Variants in PLD5 observed in about 807,000 individuals in gnomAD.
The protein encoded by PLD5 is inactive phospholipase D5.
PLD5 carries 36 observed loss-of-function variants against 61.1 expected under a neutral mutation model. The ratio of observed to expected loss-of-function variants is 0.59; its 90% CI spans 0.45 to 0.78. The LOEUF (loss-of-function observed/expected upper bound fraction) is 0.78, where lower values mean the gene tolerates loss of function less well. PLD5 is among the 30% of genes least tolerant of loss of function. PLD5 has a pLI of 0.00. For missense variants in PLD5, 515 were observed against 644.4 expected (o/e 0.80, Z 2.17); for synonymous variants, 243 against 242.8 (o/e 1.00, Z -0.01).
chr1:242,224,530 G>A (rs1033281972), intron 4 of PLD5, among the ~76,000 whole-genome samples: 2 of 152,068 alleles, frequency 1.3e-5, no homozygotes, highest in African/African-American at 4.8e-5. Context: ...TAAGAAACAT[G>A]GAGTAATTTA....
intron 1 of PLD5, among the ~76,000 whole-genome samples, chr1:242,472,647 C>T (rs1667478700): frequency 6.6e-6 from 1 of 152,142 alleles, no homozygotes; most frequent in Admixed American, 6.5e-5. Context: ...ATGCAGCAGT[C>T]GCTTTGGCTT....
intron 2 of PLD5, among the ~76,000 whole-genome samples, chr1:242,340,515 A>C (rs1659770638): frequency 6.6e-6 from 1 of 152,090 alleles, no homozygotes; most frequent in African/African-American, 2.4e-5. Context: ...AAAAAAAACA[A>C]AACTGCAAAC....
At chr1:242,434,224 G>T (rs1254393324) in intron 1 of PLD5, among the ~76,000 whole-genome samples, 1 of 152,216 alleles carries the variant, frequency 6.6e-6, no homozygotes, top group Non-Finnish European at 1.5e-5. Flanking sequence ...GTGGATGGCG[G>T]TCAGTTTCTG....
chr1:242,151,643 T>C (rs1168310428), intron 5 of PLD5, among the ~76,000 whole-genome samples: 1 of 152,066 alleles, frequency 6.6e-6, no homozygotes, highest in Admixed American at 6.6e-5. Flanking sequence ...CTTGTTTGCT[T>C]TGTGTATTCT....
chr1:242,161,336 C>G (rs1025272159), intron 5 of PLD5, among the ~76,000 whole-genome samples: 2 of 152,014 alleles, frequency 1.3e-5, no homozygotes, highest in African/African-American at 4.8e-5. Context: ...GACTTATTCA[C>G]TACCATGAGA....
intron 4 of PLD5, among the ~76,000 whole-genome samples, chr1:242,231,338 A>G (rs1180241643): frequency 1.3e-5 from 2 of 152,204 alleles, no homozygotes; most frequent in Non-Finnish European, 2.9e-5. Flanking sequence ...GCCAGTGCTC[A>G]CGGAGAGAAG....
intron 1 of PLD5, among the ~76,000 whole-genome samples, chr1:242,405,946 GT>G (rs1410273408): frequency 6.6e-6 from 1 of 151,994 alleles, no homozygotes; most frequent in African/African-American, 2.4e-5. Context: ...CAATTTTACA[GT>G]TTCACATGAT....
intron 7 of PLD5, among the ~76,000 whole-genome samples, chr1:242,110,603 A>C (rs1289175889): frequency 6.6e-6 from 1 of 152,162 alleles, no homozygotes; most frequent in Non-Finnish European, 1.5e-5. Flanking sequence ...TAAGGTCAGG[A>C]GTTCGAGACC....
Position 242,207,960 on chromosome 1 carries a change from A to ATATT in PLD5, c.735+12024_735+12027dup, listed in dbSNP as rs1558344832. On this transcript the variant is annotated intron_variant, in intron 5 of 9. Coordinates refer to ENST00000536534, the MANE Select transcript of PLD5 (RefSeq NM_001372062.1). ...TATATTTATATATATTTATTTATAT[A>ATATT]TATTTATATATATTTTTATATATAT... Among the ~76,000 whole-genome samples the ATATT allele has an allele frequency of 5.9e-3, 162 of 27,320 alleles. 33 individuals carry two copies. Among genetic ancestry groups the ATATT allele is most frequent in the African/African-American group, 0.028 (150 of 5,408 alleles). The allele number at this position is 27,320 out of a possible 152,430, so 17.9% of individuals were successfully genotyped here.
intron 1 of PLD5, among the ~76,000 whole-genome samples, chr1:242,349,019 A>C (rs1164806357): frequency 6.6e-6 from 1 of 152,180 alleles, no homozygotes; most frequent in Non-Finnish European, 1.5e-5. Context: ...GCACCACTGC[A>C]CTCCAGCCTG....
intron 5 of PLD5, among the ~76,000 whole-genome samples, chr1:242,205,312 A>C (rs1669253881): frequency 6.6e-6 from 1 of 152,210 alleles, no homozygotes; most frequent in Non-Finnish European, 1.5e-5. Context: ...ACAGACAATA[A>C]AATGGTTTTG....
intron 1 of PLD5, among the ~76,000 whole-genome samples, chr1:242,417,943 A>G (rs12123027): frequency 0.41 from 61,717 of 152,042 alleles, 13,162 homozygotes; most frequent in African/African-American, 0.54. Flanking sequence ...AAGAACCACC[A>G]GCTAAGAGTG....
At chr1:242,311,633 T>C (rs1396484093) in intron 2 of PLD5, among the ~76,000 whole-genome samples, 1 of 152,250 alleles carries the variant, frequency 6.6e-6, no homozygotes, top group Non-Finnish European at 1.5e-5. Context: ...CGTGGCAGGC[T>C]ACTTTACTGC....
intron 1 of PLD5, among the ~76,000 whole-genome samples, chr1:242,432,970 T>G (rs1408365506): frequency 6.6e-6 from 1 of 152,168 alleles, no homozygotes; most frequent in Non-Finnish European, 1.5e-5. Context: ...CTCGTTCCCA[T>G]GTCAAAGTTT....
chr1:242,280,229 A>G (rs1299450364), intron 3 of PLD5, among the ~76,000 whole-genome samples: 1 of 152,214 alleles, frequency 6.6e-6, no homozygotes, highest in African/African-American at 2.4e-5. Context: ...ATGTGACCAC[A>G]ACTACTAAAC....
chr1:242,422,549 G>A (rs2149300435), intron 1 of PLD5, among the ~76,000 whole-genome samples: 1 of 152,204 alleles, frequency 6.6e-6, no homozygotes, highest in African/African-American at 2.4e-5. Flanking sequence ...ACTTTGCTAG[G>A]TAATCATGGA....
intron 1 of PLD5, among the ~76,000 whole-genome samples, chr1:242,396,531 G>C (rs1332074988): frequency 6.6e-6 from 1 of 152,022 alleles, no homozygotes. Context: ...AGGGTGTCAA[G>C]GTTATGAACA....
intron 1 of PLD5, among the ~76,000 whole-genome samples, chr1:242,389,566 G>GCA (rs201511052): frequency 1.0e-4 from 15 of 149,124 alleles, no homozygotes; most frequent in African/African-American, 3.2e-4. Flanking sequence ...ATACTCTGAG[G>GCA]GGGGGAAAAT....
At chr1:242,244,641 G>A (rs1271924144) in intron 4 of PLD5, among the ~76,000 whole-genome samples, 1 of 152,190 alleles carries the variant, frequency 6.6e-6, no homozygotes, top group African/African-American at 2.4e-5. Flanking sequence ...GTAAGGTGTT[G>A]GAAGAGAGTG....
Sources: allele counts gnomAD v4.1 joint callset (sites outside exome capture counted in the v4.1 genomes callset), GRCh38; gene constraint gnomAD v4.1.1; transcripts MANE v1.5; gene names NCBI Gene and HGNC (gene_info 2026-07-23, HGNC 2026-07-21).